The following CTNNA3 variants were observed in gnomAD, a reference collection of about 807,000 sequenced individuals.
CTNNA3 encodes the protein catenin alpha-3.
Under a neutral mutation model 95.7 loss-of-function variants are expected in CTNNA3, and 76 were observed. That is an observed-to-expected ratio of 0.79 (90% confidence interval 0.66 to 0.96). The LOEUF (loss-of-function observed/expected upper bound fraction) is 0.96. Among genes scored for constraint, CTNNA3 ranks in the 40% least tolerant of loss-of-function variants. The pLI is 0.00. For missense variants in CTNNA3, 1,191 were observed against 1,089.8 expected, an observed-to-expected ratio of 1.09 and a Z score of -1.31; for synonymous variants, 431 against 374.4, an observed-to-expected ratio of 1.15 and a Z score of -1.74.
intron 7 of CTNNA3, among the ~76,000 whole-genome samples, chr10:66,992,245 T>C (rs1851082264): frequency 6.6e-6 from 1 of 152,212 alleles, no homozygotes. Context: ...ATTGATTTAA[T>C]TTTTATTTCC....
intron 7 of CTNNA3, among the ~76,000 whole-genome samples, chr10:67,091,953 T>G (rs1857669278): frequency 6.6e-6 from 1 of 152,074 alleles, no homozygotes; most frequent in African/African-American, 2.4e-5. Context: ...GAAATGCCTA[T>G]TTCTTATTTT....
chr10:67,271,363 C>T (rs533534946), intron 5 of CTNNA3, among the ~76,000 whole-genome samples: 2 of 152,090 alleles, frequency 1.3e-5, no homozygotes, highest in East Asian at 3.9e-4. Context: ...TTATAAGGGG[C>T]TCTTCCCCAC....
At chr10:67,535,206 G>A (rs527535533) in intron 4 of CTNNA3, among the ~76,000 whole-genome samples, 18 of 152,224 alleles carry the variant, frequency 1.2e-4, no homozygotes, top group African/African-American at 3.8e-4. Flanking sequence ...TTATACAGCA[G>A]CCCAATGAAG....
intron 13 of CTNNA3, among the ~76,000 whole-genome samples, chr10:66,256,600 A>G (rs567932928): frequency 6.6e-6 from 1 of 152,160 alleles, no homozygotes; most frequent in Admixed American, 6.5e-5. Context: ...ACATGCCTGT[A>G]ATCCCAGCTA....
intron 5 of CTNNA3, among the ~76,000 whole-genome samples, chr10:67,287,590 T>A (rs1368765340): frequency 1.3e-5 from 2 of 152,184 alleles, no homozygotes; most frequent in African/African-American, 4.8e-5. Flanking sequence ...GGATTTTTCT[T>A]CTTGTAGCCA....
At chr10:66,903,463 G>A (rs188175159) in intron 7 of CTNNA3, among the ~76,000 whole-genome samples, 9 of 152,128 alleles carry the variant, frequency 5.9e-5, no homozygotes, top group African/African-American at 1.2e-4. Context: ...TTTGAAAACC[G>A]GCATAAGAAA....
chr10:66,777,375 T>C (rs1288636541), intron 7 of CTNNA3, among the ~76,000 whole-genome samples: 2 of 152,246 alleles, frequency 1.3e-5, no homozygotes, highest in East Asian at 1.9e-4. Context: ...GTGTACACCA[T>C]GGAAACTGTG....
chr10:67,589,449 G>A (rs2133342741), intron 3 of CTNNA3, among the ~76,000 whole-genome samples: 1 of 151,608 alleles, frequency 6.6e-6, no homozygotes, highest in South Asian at 2.1e-4. Flanking sequence ...ATAGGAAAAA[G>A]GCATAGGAAA....
At chr10:66,414,674 G>A (rs145360327) in intron 11 of CTNNA3, among the ~76,000 whole-genome samples, 1 of 152,132 alleles carries the variant, frequency 6.6e-6, no homozygotes, top group Non-Finnish European at 1.5e-5. Flanking sequence ...ACTGCACACT[G>A]TCCTGGAACC....
chr10:67,298,856 A>G (rs775317657), intron 5 of CTNNA3, among the ~76,000 whole-genome samples: 26 of 152,264 alleles, frequency 1.7e-4, no homozygotes, highest in Middle Eastern at 3.4e-3. Context: ...TCCATGACCC[A>G]CATGTTTTGC....
At chr10:66,752,901 G>A (rs1477990520) in intron 9 of CTNNA3, among the ~76,000 whole-genome samples, 1 of 151,886 alleles carries the variant, frequency 6.6e-6, no homozygotes, top group Non-Finnish European at 1.5e-5. Context: ...CTATTTAAAT[G>A]CTAATCTGCC....
chr10:67,360,985 T>C (rs1414285598), intron 5 of CTNNA3, among the ~76,000 whole-genome samples: 1 of 149,286 alleles, frequency 6.7e-6, no homozygotes, highest in East Asian at 2.0e-4. Context: ...TTTCATAAGA[T>C]AAAACAGACT....
intron 2 of CTNNA3, among the ~76,000 whole-genome samples, chr10:67,626,180 C>CAA (rs59942742): frequency 3.2e-5 from 4 of 126,966 alleles, no homozygotes; most frequent in Non-Finnish European, 7.3e-5. Flanking sequence ...AACCCTGTCT[C>CAA]AAAAAAAAAA....
At chr10:65,994,712 A>C (rs1326885939) in intron 15 of CTNNA3, among the ~76,000 whole-genome samples, 1 of 152,064 alleles carries the variant, frequency 6.6e-6, no homozygotes, top group African/African-American at 2.4e-5. Flanking sequence ...AAGACTTTTA[A>C]GTTTCCAGGC....
At chr10:66,367,874 AATAATAATTATTATTATTATT>A (rs1179622791) in intron 12 of CTNNA3, among the ~76,000 whole-genome samples, 513 of 42,840 alleles carry the variant, frequency 0.012, no homozygotes, top group South Asian at 0.049. Context: ...TAATAATAAT[AATAATAATTATTATTATTATT>A]ATTATTATTA....
intron 6 of CTNNA3, among the ~76,000 whole-genome samples, chr10:67,189,363 A>G (rs12764734): frequency 6.6e-6 from 1 of 152,184 alleles, no homozygotes; most frequent in South Asian, 2.1e-4. Context: ...AAGATTCAAA[A>G]TTTTACTTTG....
At chr10:66,743,974 CAAAAAAAAAAA>C (rs536825430) in intron 9 of CTNNA3, among the ~76,000 whole-genome samples, 7 of 45,062 alleles carry the variant, frequency 1.6e-4, no homozygotes, top group South Asian at 1.1e-3. Flanking sequence ...GATTCCATCT[CAAAAAAAAAAA>C]AAAAAAAAAA....
chr10:67,249,751 T>G (rs1408298541), intron 5 of CTNNA3, among the ~76,000 whole-genome samples: 1 of 152,224 alleles, frequency 6.6e-6, no homozygotes, highest in African/African-American at 2.4e-5. Context: ...GAACCAACCC[T>G]GGACAGGATA....
chr10:67,176,448 T>C (rs141072615), intron 7 of CTNNA3, among the ~76,000 whole-genome samples: 111 of 152,300 alleles, frequency 7.3e-4, no homozygotes, highest in African/African-American at 2.6e-3. Context: ...AAAACAGACA[T>C]GTGATCTGCC....
Sources: gnomAD v4.1 joint callset for allele counts (sites outside exome capture counted in the v4.1 genomes callset) on GRCh38, gnomAD v4.1.1 for gene constraint, MANE v1.5 for transcripts, NCBI Gene and HGNC (gene_info 2026-07-23, HGNC 2026-07-21) for gene names.